Variants in SCAPER observed in about 807,000 individuals in gnomAD.
The protein encoded by SCAPER is S-phase cyclin A associated protein in the ER.
In SCAPER, 98 loss-of-function variants were observed where a neutral mutation model predicts 182.2. The ratio of observed to expected loss-of-function variants is 0.54; its 90% confidence interval spans 0.46 to 0.64. The LOEUF (loss-of-function observed/expected upper bound fraction) is 0.64, where lower values mean the gene tolerates loss of function less well. SCAPER is among the 30% of genes least tolerant of loss of function. SCAPER has a pLI of 0.00. For missense variants in SCAPER, 1,432 were observed against 1,690.0 expected (o/e 0.85, Z 2.68); for synonymous variants, 605 against 564.6 (o/e 1.07, Z -1.01).
intron 20 of SCAPER, among the ~76,000 whole-genome samples, chr15:76,668,768 C>T (rs926100933): frequency 6.6e-6 from 1 of 152,116 alleles, no homozygotes; most frequent in African/African-American, 2.4e-5. Context: ...TGTTTCTATG[C>T]CTAGAACTGT....
rs200528233 is a variant in SCAPER at position 76,834,670 on chromosome 15, TAAAG to T, written c.393+7060_393+7063del. On this transcript the variant is annotated intron_variant, in intron 5 of 31. Transcript: ENST00000563290. ...GTTGATAGACAGCTAGGTAGATTAA[TAAAG>T]AAAAAAAGATTGAAATAAACACAAT... Among the ~76,000 whole-genome samples the T allele has an allele frequency of 3.2e-4, 49 of 151,856 alleles. 1 individual carries two copies. In the East Asian group the frequency reaches 9.1e-3, roughly 28 times the overall value.
chr15:76,883,808 T>C lies in SCAPER; in HGVS notation c.6+4A>G. 1 of 1,535,072 alleles carries C rather than the reference T, an allele frequency of 6.5e-7. No homozygotes were observed. The highest frequency in any genetic ancestry group is 8.8e-7 in the Non-Finnish European group (1 of 1,136,094). Reference sequence around the variant, plus strand: ...CTAAGGCTAGTCTTTAAGATATCACTTACCATCATTCTTTAAATTCTCTTC... The same window carrying C: ...CTAAGGCTAGTCTTTAAGATATCACCTACCATCATTCTTTAAATTCTCTTC... On this transcript the variant is annotated splice_donor_region_variant and intron_variant, in intron 2 of 31. Coordinates refer to ENST00000563290, the MANE Select transcript of SCAPER (RefSeq NM_020843.4).
intron 22 of SCAPER, among the ~76,000 whole-genome samples, chr15:76,593,471 A>C (rs2049278955): frequency 8.3e-6 from 1 of 120,978 alleles, no homozygotes; most frequent in South Asian, 2.6e-4. Context: ...TCGAGCTCAA[A>C]TAAAGGACAG....
At chr15:76,749,935 A>G (rs1303088386) in intron 15 of SCAPER, among the ~76,000 whole-genome samples, 1 of 151,596 alleles carries the variant, frequency 6.6e-6, no homozygotes, top group Non-Finnish European at 1.5e-5. Flanking sequence ...AATAGCTCAG[A>G]AAAAAAACAA....
At chr15:76,510,095 A>C (rs1364815042) in intron 23 of SCAPER, among the ~76,000 whole-genome samples, 3 of 152,240 alleles carry the variant, frequency 2.0e-5, no homozygotes, top group Non-Finnish European at 4.4e-5. Context: ...TCAAGGACTT[A>C]AATCTAAGAC....
At chr15:76,583,572 G>A (rs780193931) in intron 22 of SCAPER, among the ~76,000 whole-genome samples, 2 of 152,094 alleles carry the variant, frequency 1.3e-5, no homozygotes, top group Admixed American at 1.3e-4. Flanking sequence ...GAGCTCTGTA[G>A]GAAAAATATC....
intron 8 of SCAPER, among the ~76,000 whole-genome samples, chr15:76,782,430 T>C (rs1218101745): frequency 6.6e-6 from 1 of 152,154 alleles, no homozygotes; most frequent in African/African-American, 2.4e-5. Flanking sequence ...ACAATAATAA[T>C]GGGAGACTTT....
At chr15:76,358,792 G>A (rs3878209) in intron 29 of SCAPER, among the ~76,000 whole-genome samples, 2,828 of 152,220 alleles carry the variant, frequency 0.019, 35 homozygotes, top group African/African-American at 0.035. Context: ...AACCTCAGCC[G>A]GAATTATGTT....
intron 21 of SCAPER, among the ~76,000 whole-genome samples, chr15:76,646,987 A>G (rs2054601054): frequency 6.6e-6 from 1 of 152,196 alleles, no homozygotes; most frequent in Non-Finnish European, 1.5e-5. Flanking sequence ...ATTCCAATTT[A>G]TGATAGTAAT....
intron 29 of SCAPER, among the ~76,000 whole-genome samples, chr15:76,369,847 G>A (rs2042031424): frequency 6.6e-6 from 1 of 152,182 alleles, no homozygotes. Flanking sequence ...CAGCCTGACT[G>A]GCATGGAGTA....
chr15:76,855,662 GA>G (rs1346874898), intron 4 of SCAPER: 1 of 174,296 alleles, frequency 5.7e-6, no homozygotes, highest in Non-Finnish European at 1.3e-5. Context: ...ATAAGCATAT[GA>G]AAAAAAGCTC....
intron 20 of SCAPER, among the ~76,000 whole-genome samples, chr15:76,685,054 G>C (rs928775485): frequency 3.3e-5 from 5 of 151,856 alleles, no homozygotes; most frequent in Admixed American, 3.3e-4. Context: ...TAATGAATTA[G>C]GGTTATTCCA....
At chr15:76,705,851 T>C in intron 18 of SCAPER, 52 bp downstream of exon 18, 1 of 1,234,620 alleles carries the variant, frequency 8.1e-7, no homozygotes, top group Admixed American at 2.4e-5. Context: ...TTTGATCTCA[T>C]GCTCCACTGT....
intron 15 of SCAPER, among the ~76,000 whole-genome samples, chr15:76,740,354 G>C (rs1207590594): frequency 2.0e-5 from 3 of 152,058 alleles, no homozygotes; most frequent in Non-Finnish European, 4.4e-5. Context: ...ATAAAATACA[G>C]GAAATGTTTA....
intron 25 of SCAPER, among the ~76,000 whole-genome samples, chr15:76,465,535 C>T (rs867853041): frequency 2.5e-4 from 38 of 152,162 alleles, no homozygotes; most frequent in African/African-American, 8.0e-4. Flanking sequence ...CCTTTCTGCA[C>T]TGTTGATTGT....
intron 24 of SCAPER, among the ~76,000 whole-genome samples, chr15:76,484,120 A>G (rs1253923597): frequency 1.3e-5 from 2 of 152,244 alleles, no homozygotes; most frequent in African/African-American, 4.8e-5. Flanking sequence ...TACATAAACA[A>G]TTGATACACA....
At chr15:76,620,503 T>A (rs1165191915) in intron 22 of SCAPER, among the ~76,000 whole-genome samples, 1 of 152,220 alleles carries the variant, frequency 6.6e-6, no homozygotes, top group Non-Finnish European at 1.5e-5. Flanking sequence ...TATGGATTTA[T>A]CTTTTTATTA....
At position 76,905,279 on chromosome 15, in the gene SCAPER, C is replaced by CG; in HGVS notation, c.-60+19dup. On this transcript the variant is annotated intron_variant, in intron 1 of 31. Transcript: ENST00000563290. ...GACCCGCCCGGGTCTGCGCTACGCA[C>CG]GCCCCTCGCGGACACTCACCCCCGA... is the stretch of plus-strand genomic sequence containing the variant. 7.7e-6 allele frequency: 2 copies of CG among 261,426 alleles called. No homozygotes were observed. Among genetic ancestry groups the CG allele is most frequent in the South Asian group, 6.0e-5 (2 of 33,068 alleles). The allele number at this position is 261,426 out of a possible 1,614,324, so 16.2% of individuals were successfully genotyped here. A position where few individuals can be genotyped will look rare whatever the true frequency, so the allele number is the denominator to read the frequency against.
At chr15:76,560,787 G>A (rs1055096606) in intron 23 of SCAPER, among the ~76,000 whole-genome samples, 1 of 152,188 alleles carries the variant, frequency 6.6e-6, no homozygotes, top group African/African-American at 2.4e-5. Context: ...GGGATGCAGT[G>A]CTGGGGGATA....
Sources: gnomAD v4.1 joint callset for allele counts (sites outside exome capture counted in the v4.1 genomes callset) on GRCh38, gnomAD v4.1.1 for gene constraint, MANE v1.5 for transcripts, NCBI Gene and HGNC (gene_info 2026-07-23, HGNC 2026-07-21) for gene names.